Variants in MGAT4C observed in about 807,000 individuals in gnomAD.
MGAT4C encodes MGAT4 family member C.
In MGAT4C, 19 loss-of-function variants were observed where a neutral mutation model predicts 40.1. The ratio of observed to expected loss-of-function variants is 0.47; its 90% CI spans 0.33 to 0.70. The LOEUF is 0.70. Ranked by LOEUF, MGAT4C falls within the 30% of genes least tolerant of loss-of-function variation. The pLI is 0.02. For missense variants in MGAT4C, 491 were observed against 563.2 expected, an observed-to-expected ratio of 0.87 and a Z score of 1.30; for synonymous variants, 181 against 187.1, an observed-to-expected ratio of 0.97 and a Z score of 0.27.
At chr12:86,231,056 C>T (rs548443984) in intron 1 of MGAT4C, among the ~76,000 whole-genome samples, 5 of 152,120 alleles carry the variant, frequency 3.3e-5, no homozygotes, top group African/African-American at 4.8e-5. Context: ...AAAACCCTGA[C>T]GAAAAATTTA....
At chr12:86,601,722 C>T (rs1361545969) in intron 2 of MGAT4C, among the ~76,000 whole-genome samples, 2 of 152,130 alleles carry the variant, frequency 1.3e-5, no homozygotes, top group Non-Finnish European at 2.9e-5. Flanking sequence ...CCTTTGCCAG[C>T]GGCCACCCCA....
chr12:85,983,454 G>T, intron 4 of MGAT4C, 69 bp downstream of exon 4: 1 of 1,346,018 alleles, frequency 7.4e-7, no homozygotes, highest in Non-Finnish European at 9.9e-7. Flanking sequence ...TACTATACAT[G>T]TGAAACTATC....
At chr12:86,580,642 G>A (rs1960745005) in intron 2 of MGAT4C, among the ~76,000 whole-genome samples, 1 of 151,410 alleles carries the variant, frequency 6.6e-6, no homozygotes, top group Non-Finnish European at 1.5e-5. Context: ...TGTGATGGGT[G>A]TAATTAGCAC....
At chr12:86,075,376 G>C (rs1869490540) in intron 1 of MGAT4C, among the ~76,000 whole-genome samples, 1 of 152,096 alleles carries the variant, frequency 6.6e-6, no homozygotes, top group Admixed American at 6.5e-5. Context: ...CTCTGCTCCT[G>C]TGTCTTTGCA....
intron 1 of MGAT4C, among the ~76,000 whole-genome samples, chr12:86,122,589 C>T (rs548593802): frequency 4.3e-4 from 65 of 152,062 alleles, no homozygotes; most frequent in African/African-American, 1.5e-3. Context: ...ATTATACAAA[C>T]GATGAAAGTA....
chr12:86,771,583 G>A (rs1951637488), intron 1 of MGAT4C, among the ~76,000 whole-genome samples: 1 of 151,992 alleles, frequency 6.6e-6, no homozygotes, highest in Admixed American at 6.6e-5. Flanking sequence ...CATGGTGGTT[G>A]ATGCCTGTAA....
intron 2 of MGAT4C, among the ~76,000 whole-genome samples, chr12:86,513,230 T>G (rs986760282): frequency 1.3e-5 from 2 of 152,148 alleles, no homozygotes; most frequent in Non-Finnish European, 2.9e-5. Flanking sequence ...TAAAAGTTCT[T>G]GGATTTTAAA....
intron 1 of MGAT4C, among the ~76,000 whole-genome samples, chr12:86,122,388 T>G (rs2135685124): frequency 6.6e-6 from 1 of 152,296 alleles, no homozygotes; most frequent in African/African-American, 2.4e-5. Context: ...TTCTATATTC[T>G]AAAGTATTTT....
At chr12:86,317,936 A>C (rs928966954) in intron 4 of MGAT4C, among the ~76,000 whole-genome samples, 1 of 151,710 alleles carries the variant, frequency 6.6e-6, no homozygotes, top group Non-Finnish European at 1.5e-5. Context: ...AAGAAATCTC[A>C]TAGTTATCCT....
intron 2 of MGAT4C, among the ~76,000 whole-genome samples, chr12:86,573,774 A>G (rs893401610): frequency 4.6e-5 from 7 of 152,006 alleles, no homozygotes; most frequent in Non-Finnish European, 7.4e-5. Flanking sequence ...AATTTATTAT[A>G]TAACTTTCTA....
At chr12:86,383,549 C>CAAAAAAA (rs1159593477) in intron 3 of MGAT4C, among the ~76,000 whole-genome samples, 3 of 49,840 alleles carry the variant, frequency 6.0e-5, no homozygotes, top group Admixed American at 3.4e-4. Flanking sequence ...CACTTCGTCT[C>CAAAAAAA]AAAAAAAAAA....
chr12:86,256,091 G>C (rs1268501878), intron 1 of MGAT4C, 148 bp downstream of exon 1: 2 of 151,860 alleles, frequency 1.3e-5, no homozygotes, highest in Admixed American at 6.6e-5. Flanking sequence ...AATTCATTTT[G>C]CTAACTCCAT....
intron 1 of MGAT4C, among the ~76,000 whole-genome samples, chr12:86,836,593 G>C (rs1406276021): frequency 6.6e-6 from 1 of 152,054 alleles, no homozygotes; most frequent in African/African-American, 2.4e-5. Context: ...TGGCTGGGTA[G>C]GTGAATGAAT....
chr12:86,492,334 G>A (rs1452550086), intron 2 of MGAT4C, among the ~76,000 whole-genome samples: 1 of 152,096 alleles, frequency 6.6e-6, no homozygotes, highest in Non-Finnish European at 1.5e-5. Context: ...AGCCCGCATT[G>A]CCAAGTCAAT....
chr12:86,276,468 A>AT (rs1262414977), intron 4 of MGAT4C, among the ~76,000 whole-genome samples: 1 of 152,144 alleles, frequency 6.6e-6, no homozygotes, highest in African/African-American at 2.4e-5. Context: ...TTAGATGGTT[A>AT]TTGACTATGG....
intron 1 of MGAT4C, among the ~76,000 whole-genome samples, chr12:86,051,022 C>T (rs889883874): frequency 1.3e-4 from 19 of 144,718 alleles, no homozygotes; most frequent in African/African-American, 4.0e-4. Context: ...TAGCAACAAT[C>T]GGTTGAATCC....
intron 4 of MGAT4C, among the ~76,000 whole-genome samples, chr12:86,264,744 T>G (rs1258741539): frequency 1.3e-5 from 2 of 151,068 alleles, no homozygotes; most frequent in Non-Finnish European, 2.9e-5. Context: ...AGCAGCCCCT[T>G]GCCCCAGCAG....
chr12:86,264,431 C>T (rs2452803), intron 4 of MGAT4C, among the ~76,000 whole-genome samples: 130,443 of 152,198 alleles, frequency 0.86, 55,975 homozygotes, highest in East Asian at 0.95. Flanking sequence ...AGGAGAGGCC[C>T]GTCTGGAGCT....
chr12:86,383,576 A>C (rs972709204), intron 3 of MGAT4C, among the ~76,000 whole-genome samples: 19 of 145,862 alleles, frequency 1.3e-4, no homozygotes, highest in African/African-American at 2.5e-4. Flanking sequence ...AAAAAAAAAA[A>C]CAGAAAGAAA....
Sources: gnomAD v4.1 joint callset for allele counts (sites outside exome capture counted in the v4.1 genomes callset) on GRCh38, gnomAD v4.1.1 for gene constraint, MANE v1.5 for transcripts, NCBI Gene and HGNC (gene_info 2026-07-23, HGNC 2026-07-21) for gene names.